LRP1B: variants seen among roughly 807,000 people sequenced by gnomAD.
LRP1B encodes the protein low-density lipoprotein receptor-related protein 1B.
Under a neutral mutation model 556.6 loss-of-function variants are expected in LRP1B, and 217 were observed. The observed-to-expected ratio is 0.39, with a 90% CI of 0.35 to 0.44. The LOEUF (loss-of-function observed/expected upper bound fraction) is 0.44. Among genes scored for constraint, LRP1B ranks in the 20% least tolerant of loss-of-function variants. The pLI is 1.00. For synonymous variants in LRP1B, 2,047 were observed against 1,865.8 expected, an observed-to-expected ratio of 1.10 and a Z score of -2.50; for missense variants, 5,053 against 5,620.8, an observed-to-expected ratio of 0.90 and a Z score of 3.23.
intron 7 of LRP1B, among the ~76,000 whole-genome samples, chr2:141,183,087 G>T (rs373801640): frequency 2.0e-5 from 3 of 151,910 alleles, no homozygotes; most frequent in Admixed American, 6.6e-5. Context: ...GTGGTTGGGG[G>T]TGGGGGAGCA....
intron 2 of LRP1B, among the ~76,000 whole-genome samples, chr2:141,804,698 G>A (rs1323465974): frequency 6.6e-6 from 1 of 151,952 alleles, no homozygotes. Context: ...TTGGTGCTCT[G>A]GGCATCTGGA....
At chr2:141,730,252 CTT>C (rs899559589) in intron 2 of LRP1B, among the ~76,000 whole-genome samples, 2 of 152,110 alleles carry the variant, frequency 1.3e-5, no homozygotes, top group African/African-American at 2.4e-5. Flanking sequence ...ATGGAACAGT[CTT>C]TTAATTGGCT....
chr2:141,164,923 T>G, intron 7 of LRP1B, among the ~76,000 whole-genome samples: 1 of 152,174 alleles, frequency 6.6e-6, no homozygotes, highest in South Asian at 2.1e-4. Flanking sequence ...TTTTAATTTA[T>G]GTTTCACCAA....
intron 27 of LRP1B, among the ~76,000 whole-genome samples, chr2:140,865,212 T>C (rs1286596984): frequency 6.6e-6 from 1 of 152,068 alleles, no homozygotes; most frequent in Admixed American, 6.6e-5. Flanking sequence ...TTTGTGTGCA[T>C]AATGAATGCT....
intron 2 of LRP1B, among the ~76,000 whole-genome samples, chr2:141,745,347 C>T (rs186964231): frequency 2.0e-5 from 3 of 152,238 alleles, no homozygotes; most frequent in Admixed American, 1.3e-4. Context: ...TAGAAATCTA[C>T]CGGCATGCTC....
intron 1 of LRP1B, among the ~76,000 whole-genome samples, chr2:141,924,620 C>T (rs768695113): frequency 1.3e-5 from 2 of 152,182 alleles, no homozygotes; most frequent in Non-Finnish European, 2.9e-5. Context: ...GCTCAAAACA[C>T]GCGCCCTGGC....
chr2:140,369,437 C>A (rs1046800676), intron 71 of LRP1B, among the ~76,000 whole-genome samples: 1 of 151,854 alleles, frequency 6.6e-6, no homozygotes, highest in South Asian at 2.1e-4. Context: ...AACCTTTGAA[C>A]GCAAAAGTCG....
chr2:140,349,282 G>T (rs994476730), intron 77 of LRP1B, among the ~76,000 whole-genome samples: 1 of 152,066 alleles, frequency 6.6e-6, no homozygotes, highest in African/African-American at 2.4e-5. Context: ...CAAAATTGAA[G>T]ATGTGTCTAT....
intron 3 of LRP1B, among the ~76,000 whole-genome samples, chr2:141,315,377 A>G (rs1686989785): frequency 7.0e-6 from 1 of 142,674 alleles, no homozygotes; most frequent in Non-Finnish European, 1.5e-5. Context: ...CTCCTGCCTC[A>G]GCCTCCCAAG....
chr2:140,941,722 A>G (rs78829995), intron 20 of LRP1B, among the ~76,000 whole-genome samples: 7,461 of 152,224 alleles, frequency 0.049, 230 homozygotes, highest in East Asian at 0.081. Context: ...AATGAAGCCA[A>G]TTGACTATAC....
chr2:140,366,416 G>A (rs1037281877), intron 71 of LRP1B, among the ~76,000 whole-genome samples: 12 of 151,638 alleles, frequency 7.9e-5, no homozygotes, highest in Non-Finnish European at 8.9e-5. Flanking sequence ...TTGAGGTACC[G>A]GTCCATGTGG....
intron 7 of LRP1B, among the ~76,000 whole-genome samples, chr2:141,105,144 A>T (rs1433543845): frequency 6.6e-6 from 1 of 152,120 alleles, no homozygotes; most frequent in Non-Finnish European, 1.5e-5. Flanking sequence ...ATTGTATTTC[A>T]TATAGCTGGG....
At chr2:140,938,930 T>G (rs1420973727) in intron 20 of LRP1B, among the ~76,000 whole-genome samples, 5 of 152,112 alleles carry the variant, frequency 3.3e-5, no homozygotes, top group African/African-American at 4.8e-5. Context: ...ACAAAAGATA[T>G]GGAAGACAGC....
intron 7 of LRP1B, among the ~76,000 whole-genome samples, chr2:141,077,315 C>T (rs1319825899): frequency 6.6e-6 from 1 of 152,038 alleles, no homozygotes; most frequent in African/African-American, 2.4e-5. Context: ...GTATTTTGTC[C>T]CAATTTTTGC....
intron 77 of LRP1B, among the ~76,000 whole-genome samples, chr2:140,340,132 C>T (rs1187499429): frequency 1.3e-5 from 2 of 150,864 alleles, no homozygotes; most frequent in African/African-American, 4.9e-5. Context: ...TGATTCACCT[C>T]GGTCCTCCAT....
At chr2:140,317,823 T>C (rs1334291783) in intron 82 of LRP1B, among the ~76,000 whole-genome samples, 2 of 152,086 alleles carry the variant, frequency 1.3e-5, no homozygotes, top group Non-Finnish European at 2.9e-5. Context: ...GCATGCGCGT[T>C]ACTATAACGT....
intron 1 of LRP1B, among the ~76,000 whole-genome samples, chr2:141,815,877 G>A (rs2381150): frequency 0.38 from 58,312 of 151,922 alleles, 11,454 homozygotes; most frequent in Middle Eastern, 0.55. Flanking sequence ...TGAAGTCAGC[G>A]AGACCGTGAA....
intron 1 of LRP1B, among the ~76,000 whole-genome samples, chr2:141,878,786 T>C (rs140674573): frequency 2.6e-5 from 4 of 152,088 alleles, no homozygotes; most frequent in African/African-American, 9.6e-5. Context: ...ATATGAATAG[T>C]ACTCTATCTT....
chr2:140,456,430 A>G, intron 62 of LRP1B, 25 bp downstream of exon 62: 1 of 1,607,802 alleles, frequency 6.2e-7, no homozygotes, highest in Middle Eastern at 1.7e-4. Context: ...ACACTCTATA[A>G]TAAGATTCCC....
Sources: gnomAD v4.1 joint callset for allele counts (sites outside exome capture counted in the v4.1 genomes callset) on GRCh38, gnomAD v4.1.1 for gene constraint, MANE v1.5 for transcripts, NCBI Gene and HGNC (gene_info 2026-07-23, HGNC 2026-07-21) for gene names.